Variants in DARS1 observed in about 807,000 individuals in gnomAD.
DARS1 encodes the protein aspartate--tRNA ligase, cytoplasmic.
DARS1 carries 51 observed loss-of-function variants against 68.8 expected under a neutral mutation model. The ratio of observed to expected loss-of-function variants is 0.74; its 90% confidence interval spans 0.59 to 0.94. The LOEUF is 0.94. DARS1 is among the 40% of genes least tolerant of loss of function. The pLI, the probability that DARS1 is intolerant of heterozygous loss-of-function variation, is 0.00. For synonymous variants in DARS1, 203 were observed against 190.4 expected (o/e 1.07, Z -0.55); for missense variants, 607 against 597.3 (o/e 1.02, Z -0.17).
chr2:135,955,673 C>CTTTTTTTTTTTTTTTTTTT (rs75123258), intron 4 of DARS1, among the ~76,000 whole-genome samples: 2 of 61,336 alleles, frequency 3.3e-5, no homozygotes, highest in African/African-American at 7.3e-5. Flanking sequence ...AAATAAAAAT[C>CTTTTTTTTTTTTTTTTTTT]TTTTTTTTTT....
At chr2:135,979,092 G>A (rs1682562878) in intron 3 of DARS1, 182 bp downstream of exon 3, 1 of 445,906 alleles carries the variant, frequency 2.2e-6, no homozygotes, top group African/African-American at 2.0e-5. Flanking sequence ...TATTTGTAAG[G>A]ATGTTTTACA....
intron 1 of DARS1, among the ~76,000 whole-genome samples, chr2:135,984,917 A>G (rs1023834332): frequency 2.0e-5 from 3 of 152,214 alleles, no homozygotes; most frequent in Non-Finnish European, 4.4e-5. Context: ...AATAAAAATG[A>G]CATGTGTTCT....
At chr2:135,975,626 C>T (rs762168624) in intron 3 of DARS1, among the ~76,000 whole-genome samples, 18 of 151,756 alleles carry the variant, frequency 1.2e-4, no homozygotes, top group African/African-American at 4.1e-4. Context: ...AGACCCTTGT[C>T]TCTACTAAAA....
chr2:135,919,669 T>TA (rs1438415859), intron 10 of DARS1, among the ~76,000 whole-genome samples: 2 of 152,214 alleles, frequency 1.3e-5, no homozygotes, highest in Non-Finnish European at 2.9e-5. Flanking sequence ...CAATGACCTG[T>TA]AAAGGGAAGA....
intron 4 of DARS1, among the ~76,000 whole-genome samples, chr2:135,956,497 G>A (rs1417114050): frequency 6.6e-6 from 1 of 152,150 alleles, no homozygotes; most frequent in African/African-American, 2.4e-5. Context: ...GAGGGGGGAT[G>A]ACAGGGGTTA....
At chr2:135,920,785 C>T (rs1427559822) in intron 9 of DARS1, among the ~76,000 whole-genome samples, 185 bp from the exon 10 acceptor site, 1 of 152,032 alleles carries the variant, frequency 6.6e-6, no homozygotes, top group Non-Finnish European at 1.5e-5. Flanking sequence ...ATTATAAACT[C>T]CTACGGTCGT....
chr2:135,922,573 AC>A (rs1397806390), intron 9 of DARS1, among the ~76,000 whole-genome samples: 1 of 152,210 alleles, frequency 6.6e-6, no homozygotes, highest in Non-Finnish European at 1.5e-5. Context: ...TGTTTAAAGT[AC>A]TATTGACCAT....
Position 135,962,106 on chromosome 2 carries a change from A to AT in DARS1, c.218-609dup, listed in dbSNP as rs372094865. On this transcript the variant is annotated intron_variant, in intron 3 of 15. Transcript: ENST00000264161. ...GTCCTTCATATTTTATGAGTCTCGC[A>AT]TTTTTTTTTACTCCAAATAACTTAT... Among the ~76,000 whole-genome samples, 94 of 150,654 alleles carry AT rather than the reference A, an allele frequency of 6.2e-4. 1 individual carries two copies. Among genetic ancestry groups the AT allele is most frequent in the African/African-American group, 1.8e-3 (76 of 41,130 alleles).
At chr2:135,956,067 G>A (rs577208950) in intron 4 of DARS1, among the ~76,000 whole-genome samples, 1 of 152,156 alleles carries the variant, frequency 6.6e-6, no homozygotes, top group African/African-American at 2.4e-5. Context: ...TATTTCTCAC[G>A]CAAGTAGAAA....
chr2:135,921,027 A>T (rs1348771933), intron 9 of DARS1, among the ~76,000 whole-genome samples: 1 of 151,376 alleles, frequency 6.6e-6, no homozygotes, highest in Non-Finnish European at 1.5e-5. Flanking sequence ...AATATTTGTG[A>T]TGTGAAAGAT....
chr2:135,962,891 A>C (rs1001250201), intron 3 of DARS1, among the ~76,000 whole-genome samples: 26 of 152,356 alleles, frequency 1.7e-4, no homozygotes, highest in African/African-American at 6.0e-4. Flanking sequence ...CCCACTTAGA[A>C]AAGTATGTTA....
intron 3 of DARS1, among the ~76,000 whole-genome samples, chr2:135,977,560 C>T (rs867863295): frequency 2.6e-5 from 4 of 152,126 alleles, no homozygotes; most frequent in Admixed American, 1.3e-4. Flanking sequence ...CTCAGTATAA[C>T]GGGAGAGAGA....
chr2:135,954,723 A>C (rs554554234), intron 4 of DARS1, among the ~76,000 whole-genome samples: 1 of 152,330 alleles, frequency 6.6e-6, no homozygotes, highest in African/African-American at 2.4e-5. Context: ...ATAATATTTC[A>C]CATGCAACGA....
In DARS1 at chr2:135,958,900, T is replaced by G. The variant is rs79078468; in HGVS notation, c.320+2496A>C. The stretch of plus-strand genomic sequence containing the variant: ...GTTTATAATTTGGAACAGCTCAACC[T>G]TTTCCTACACATTGCTACTTTATAT... On this transcript the variant is annotated intron_variant, in intron 4 of 15. Coordinates refer to ENST00000264161, the MANE Select transcript of DARS1 (RefSeq NM_001349.4). Among the ~76,000 whole-genome samples, 1,170 of 152,104 alleles carry G rather than the reference T, an allele frequency of 7.7e-3. 11 individuals are homozygous for G. Among genetic ancestry groups the G allele is most frequent in the African/African-American group, 0.027 (1,105 of 41,480 alleles).
rs199936211 is a variant in DARS1, at chr2:135,944,670, CT to C, written c.321-1191del. 2.6e-5 allele frequency among the ~76,000 whole-genome samples: 4 copies of C among 152,202 alleles called. No individual in the cohort carries two copies. The East Asian group carries it at 5.8e-4, about 22-fold the overall frequency. On this transcript the variant is annotated intron_variant, in intron 4 of 15. Coordinates refer to ENST00000264161, the MANE Select transcript of DARS1 (RefSeq NM_001349.4). Reference sequence around the variant, plus strand: ...TAATACCTAGCTAAAATCTTGACTACTGAAGAAACTCAGAATTTATTATGGC... The same window carrying C: ...TAATACCTAGCTAAAATCTTGACTACGAAGAAACTCAGAATTTATTATGGC...
intron 4 of DARS1, among the ~76,000 whole-genome samples, chr2:135,948,400 T>C (rs1211493198): frequency 1.3e-5 from 2 of 152,170 alleles, no homozygotes; most frequent in Non-Finnish European, 2.9e-5. Flanking sequence ...CAGTTGTTTA[T>C]CTCCCTTGCC....
At chr2:135,973,326 A>G (rs772198540) in intron 3 of DARS1, among the ~76,000 whole-genome samples, 1 of 152,220 alleles carries the variant, frequency 6.6e-6, no homozygotes, top group Non-Finnish European at 1.5e-5. Flanking sequence ...GCACAGAAAG[A>G]CAAACATCGC....
intron 3 of DARS1, among the ~76,000 whole-genome samples, chr2:135,964,222 G>GA (rs946711963): frequency 2.6e-5 from 4 of 152,186 alleles, no homozygotes; most frequent in African/African-American, 2.4e-5. Flanking sequence ...ATCATATGGG[G>GA]AAAAAAACCA....
At chr2:135,967,192 A>G (rs1682255565) in intron 3 of DARS1, among the ~76,000 whole-genome samples, 1 of 152,150 alleles carries the variant, frequency 6.6e-6, no homozygotes, top group African/African-American at 2.4e-5. Context: ...ACTTCCTAAT[A>G]TCCAACCTTA....
Sources: gnomAD v4.1 joint callset for allele counts (sites outside exome capture counted in the v4.1 genomes callset) on GRCh38, gnomAD v4.1.1 for gene constraint, MANE v1.5 for transcripts, NCBI Gene and HGNC (gene_info 2026-07-23, HGNC 2026-07-21) for gene names.